Variants in PDE4D observed in about 807,000 individuals in gnomAD.
PDE4D encodes phosphodiesterase 4D, also known as 3',5'-cyclic-AMP phosphodiesterase 4D.
PDE4D carries 24 observed loss-of-function variants against 87.4 expected under a neutral mutation model. The ratio of observed to expected loss-of-function variants is 0.27; its 90% CI spans 0.20 to 0.39. The LOEUF (loss-of-function observed/expected upper bound fraction) is 0.39. Among genes scored for constraint, PDE4D ranks in the 10% least tolerant of loss-of-function variants. The probability of loss-of-function intolerance (pLI) is 1.00; values close to 1 mark genes in which losing one functional copy is unlikely to be tolerated. For synonymous variants in PDE4D, 384 were observed against 383.2 expected (o/e 1.00, Z -0.02); for missense variants, 714 against 1,041.0 (o/e 0.69, Z 4.32).
At chr5:59,073,055 C>T (rs1765105769) in intron 5 of PDE4D, among the ~76,000 whole-genome samples, 1 of 152,148 alleles carries the variant, frequency 6.6e-6, no homozygotes, top group Non-Finnish European at 1.5e-5. Context: ...AATCACTAGG[C>T]TTTGAACTTA....
At chr5:59,712,633 A>T (rs926584088) in intron 1 of PDE4D, among the ~76,000 whole-genome samples, 1 of 150,132 alleles carries the variant, frequency 6.7e-6, no homozygotes, top group Admixed American at 6.6e-5. Flanking sequence ...AGCTATTTTT[A>T]AAAATATAAT....
At chr5:59,455,912 G>A (rs1259604400) in intron 1 of PDE4D, among the ~76,000 whole-genome samples, 2 of 152,206 alleles carry the variant, frequency 1.3e-5, no homozygotes, top group African/African-American at 2.4e-5. Flanking sequence ...TGGCCCCTTT[G>A]TTTTGGCCAA....
chr5:60,433,615 C>A (rs553015939), intron 1 of PDE4D, among the ~76,000 whole-genome samples: 2 of 152,274 alleles, frequency 1.3e-5, no homozygotes, highest in Admixed American at 1.3e-4. Context: ...TAATGATACA[C>A]ACATGCATAT....
At chr5:59,896,834 A>T (rs17313920), upstream of PDE4D, among the ~76,000 whole-genome samples, 4,936 of 152,320 alleles carry the variant, frequency 0.032, 300 homozygotes, top group Admixed American at 0.16. Context: ...ATACTGCTGA[A>T]TATTGAGCAC....
intron 1 of PDE4D, among the ~76,000 whole-genome samples, chr5:60,320,955 T>C (rs552516570): frequency 1.3e-5 from 2 of 152,220 alleles, no homozygotes; most frequent in Non-Finnish European, 2.9e-5. Context: ...AGAATCAATG[T>C]TGTTAAAACG....
intron 1 of PDE4D, among the ~76,000 whole-genome samples, chr5:59,627,042 T>C (rs1006309762): frequency 1.3e-5 from 2 of 152,212 alleles, no homozygotes; most frequent in African/African-American, 4.8e-5. Flanking sequence ...ACACATTTAA[T>C]TTTTCATACT....
chr5:59,259,198 T>C (rs762123715), intron 1 of PDE4D, among the ~76,000 whole-genome samples: 1 of 151,936 alleles, frequency 6.6e-6, no homozygotes, highest in Non-Finnish European at 1.5e-5. Context: ...TTTGGTTTGC[T>C]GTGTCCCTAC....
intron 1 of PDE4D, among the ~76,000 whole-genome samples, chr5:59,415,925 C>T (rs1052899081): frequency 6.6e-6 from 1 of 152,076 alleles, no homozygotes; most frequent in Non-Finnish European, 1.5e-5. Flanking sequence ...GGTCTATATC[C>T]TGAGAAATAC....
chr5:59,846,702 G>C (rs1274451950), intron 1 of PDE4D, among the ~76,000 whole-genome samples: 1 of 152,078 alleles, frequency 6.6e-6, no homozygotes, highest in South Asian at 2.1e-4. Context: ...ATGAGGAGTA[G>C]AGAGCTCCTG....
rs1226731945 is a variant in PDE4D, at chr5:60,117,248, T to C, written c.42+68309A>G. On this transcript the variant is annotated intron_variant, in intron 2 of 16. Coordinates refer to the PDE4D transcript ENST00000502484. ...TAACAACAGCCATATTGATCTGTCA[T>C]TTTTTCACTTTTATCCCTTAAGAGC... Among the ~76,000 whole-genome samples the C allele has an allele frequency of 2.0e-5, 3 of 152,038 alleles. No individual in the cohort carries two copies. The East Asian group carries it at 5.8e-4, about 29-fold the overall frequency.
Position 58,973,170 on chromosome 5 carries a change from T to TAATA in PDE4D, c.*1490_*1493dup, listed in dbSNP as rs1227542322. 1 of 152,160 alleles carries TAATA rather than the reference T, an allele frequency of 6.6e-6. No homozygotes were observed. The highest frequency in any genetic ancestry group is 1.5e-5 in the Non-Finnish European group (1 of 68,026). 9.4% of individuals were successfully genotyped at this position (152,160 alleles called of 1,614,324 possible). A position where few individuals can be genotyped will look rare whatever the true frequency, so the allele number is the denominator to read the frequency against. On this transcript the variant is annotated 3_prime_UTR_variant, in exon 15 of 15. Coordinates refer to ENST00000340635, the MANE Select transcript of PDE4D (RefSeq NM_001104631.2). ...GTATTGGTGTTTGTTAATATATTGTTAATATTCTTAAAAACTGCCTAGTTG... is the reference window on the plus strand; with the variant it reads ...GTATTGGTGTTTGTTAATATATTGTTAATAAATATTCTTAAAAACTGCCTAGTTG...
At chr5:59,159,862 A>G (rs1044668904) in intron 5 of PDE4D, among the ~76,000 whole-genome samples, 1 of 152,224 alleles carries the variant, frequency 6.6e-6, no homozygotes, top group Non-Finnish European at 1.5e-5. Flanking sequence ...GCTTAGTAAC[A>G]TCATGAACTG....
intron 2 of PDE4D, among the ~76,000 whole-genome samples, chr5:60,097,762 T>C (rs1378089501): frequency 6.6e-6 from 1 of 151,972 alleles, no homozygotes; most frequent in Non-Finnish European, 1.5e-5. Flanking sequence ...TGTGTGTGAG[T>C]GTTAAATCCG....
At chr5:60,057,081 G>A (rs1770857757) in intron 2 of PDE4D, among the ~76,000 whole-genome samples, 1 of 151,958 alleles carries the variant, frequency 6.6e-6, no homozygotes, top group Admixed American at 6.6e-5. Flanking sequence ...TAAAAGTCTT[G>A]AGTTCTTCTA....
intron 1 of PDE4D, among the ~76,000 whole-genome samples, chr5:59,823,915 T>C (rs866833066): frequency 1.3e-5 from 2 of 150,848 alleles, no homozygotes; most frequent in Non-Finnish European, 2.9e-5. Context: ...GTCAGCAAAA[T>C]TGCATTTCAG....
chr5:60,129,339 T>C (rs1779380114), intron 2 of PDE4D, among the ~76,000 whole-genome samples: 1 of 152,158 alleles, frequency 6.6e-6, no homozygotes, highest in South Asian at 2.1e-4. Flanking sequence ...GGTATAATAA[T>C]GGAACTTGAA....
At position 59,677,586 on chromosome 5, in the gene PDE4D, T is replaced by C. The variant is rs142056282; in HGVS notation, c.455+215582A>G. 2.9e-3 allele frequency among the ~76,000 whole-genome samples: 435 copies of C among 152,290 alleles called. 5 individuals carry two copies. The highest frequency in any genetic ancestry group is 0.01 in the African/African-American group (417 of 41,572). ...ATAAAGCTCAGTTAAATTACTTTTT[T>C]GTACAATGTAGACAGAAATGACAAA... On this transcript the variant is annotated intron_variant, in intron 1 of 14. Transcript: ENST00000340635.
chr5:59,158,626 G>A (rs1346744178), intron 5 of PDE4D, among the ~76,000 whole-genome samples: 2 of 152,198 alleles, frequency 1.3e-5, no homozygotes, highest in Admixed American at 6.5e-5. Context: ...GAAGATAAAG[G>A]CAATTCATCA....
intron 1 of PDE4D, among the ~76,000 whole-genome samples, chr5:60,436,222 C>T (rs1744747956): frequency 6.6e-6 from 1 of 151,944 alleles, no homozygotes; most frequent in African/African-American, 2.4e-5. Context: ...CCAAGTAGTA[C>T]CAATTTATTA....
Sources: gnomAD v4.1 joint callset for allele counts (sites outside exome capture counted in the v4.1 genomes callset) on GRCh38, gnomAD v4.1.1 for gene constraint, MANE v1.5 for transcripts, NCBI Gene and HGNC (gene_info 2026-07-23, HGNC 2026-07-21) for gene names.